The following EYS variants were observed in gnomAD, a reference collection of about 807,000 sequenced individuals.
EYS encodes the protein EGF-like photoreceptor maintenance factor.
A neutral mutation model predicts 282.1 loss-of-function variants in EYS; 250 were observed. The ratio of observed to expected loss-of-function variants is 0.89; its 90% CI spans 0.80 to 0.98. EYS has a LOEUF of 0.98. EYS is among the 50% of genes least tolerant of loss of function. The probability of loss-of-function intolerance (pLI) is 0.00; values close to 1 mark genes in which losing one functional copy is unlikely to be tolerated. For synonymous variants in EYS, 1,355 were observed against 1,282.9 expected (o/e 1.06, Z -1.20); for missense variants, 4,016 against 3,709.0 (o/e 1.08, Z -2.15).
At chr6:65,443,076 T>C (rs1768436279) in intron 5 of EYS, among the ~76,000 whole-genome samples, 1 of 151,808 alleles carries the variant, frequency 6.6e-6, no homozygotes, top group African/African-American at 2.4e-5. Flanking sequence ...GATATGTATG[T>C]GTCTATACAT....
chr6:64,552,677 G>A (rs1765120417), intron 26 of EYS, among the ~76,000 whole-genome samples: 1 of 152,088 alleles, frequency 6.6e-6, no homozygotes, highest in East Asian at 1.9e-4. Context: ...GACTTTGGGA[G>A]GCCGAAGCTG....
At chr6:64,982,428 T>A (rs1770708355) in intron 14 of EYS, among the ~76,000 whole-genome samples, 2 of 151,396 alleles carry the variant, frequency 1.3e-5, no homozygotes, top group South Asian at 4.1e-4. Flanking sequence ...ATTCTACATT[T>A]TATGTGTATG....
At chr6:64,899,818 G>T (rs563325859) in intron 18 of EYS, among the ~76,000 whole-genome samples, 56 of 152,098 alleles carry the variant, frequency 3.7e-4, no homozygotes, top group African/African-American at 1.3e-3. Context: ...GTAATTTACA[G>T]ATTCAGTGCT....
chr6:65,260,140 G>A (rs1051902250), intron 12 of EYS, among the ~76,000 whole-genome samples: 2 of 152,000 alleles, frequency 1.3e-5, no homozygotes, highest in Non-Finnish European at 2.9e-5. Flanking sequence ...GCAGCCAAAA[G>A]GAGACGTGCC....
Position 64,822,708 on chromosome 6 carries a change from C to A in EYS, c.3107G>T (p.Gly1036Val), listed in dbSNP as rs1249780838. Residue 1036 changes from glycine to valine, a missense_variant, in exon 20 of 43, where the codon GGA (glycine) becomes GTA (valine). Transcript: ENST00000503581. ...ATTGGCGTTTGTTTCACAGTGTGTT[C>A]CAAAAAACCCACTCTTGCAGTCACA... ...YTCDCKSGFF[G>V]THCETNANDC... 1 of 1,548,528 alleles carries A rather than the reference C, an allele frequency of 6.5e-7. No individual in the cohort carries two copies. The highest frequency in any genetic ancestry group is 2.0e-5 in the Admixed American group (1 of 50,622).
intron 31 of EYS, among the ~76,000 whole-genome samples, chr6:64,104,363 T>A (rs551775929): frequency 5.3e-5 from 8 of 151,482 alleles, no homozygotes; most frequent in Admixed American, 1.3e-4. Flanking sequence ...AGAGAGAGAG[T>A]GAGTGTGTGT....
At chr6:63,909,248 G>GC (rs1773857702) in intron 35 of EYS, among the ~76,000 whole-genome samples, 1 of 152,032 alleles carries the variant, frequency 6.6e-6, no homozygotes, top group Non-Finnish European at 1.5e-5. Context: ...TGAAACTCTT[G>GC]GTTTCCTAAC....
At chr6:65,372,389 G>A (rs1765192768) in intron 8 of EYS, among the ~76,000 whole-genome samples, 1 of 152,084 alleles carries the variant, frequency 6.6e-6, no homozygotes, top group South Asian at 2.1e-4. Context: ...GTAAATTACT[G>A]AAACTCTAAG....
intron 2 of EYS, among the ~76,000 whole-genome samples, chr6:65,548,126 A>T (rs1768460154): frequency 6.6e-6 from 1 of 152,216 alleles, no homozygotes; most frequent in Admixed American, 6.5e-5. Flanking sequence ...TAGTGGTGTT[A>T]TCTGCTACTA....
At chr6:65,644,389 A>G (rs567578701) in intron 1 of EYS, among the ~76,000 whole-genome samples, 230 of 152,318 alleles carry the variant, frequency 1.5e-3, no homozygotes, top group Non-Finnish European at 1.9e-3. Flanking sequence ...AAATAAATGA[A>G]CAAAGCCTAC....
At chr6:64,340,237 G>T (rs1386050400) in intron 29 of EYS, among the ~76,000 whole-genome samples, 1 of 150,600 alleles carries the variant, frequency 6.6e-6, no homozygotes, top group Non-Finnish European at 1.5e-5. Context: ...AATTCATACA[G>T]AATCAAAAAA....
At chr6:64,033,010 G>T (rs532376159) in intron 33 of EYS, among the ~76,000 whole-genome samples, 7 of 152,278 alleles carry the variant, frequency 4.6e-5, no homozygotes, top group African/African-American at 1.7e-4. Flanking sequence ...AAGCTCTTTT[G>T]TCAGGAAGAG....
At chr6:65,246,457 A>C (rs1767182265) in intron 12 of EYS, among the ~76,000 whole-genome samples, 1 of 152,176 alleles carries the variant, frequency 6.6e-6, no homozygotes, top group Non-Finnish European at 1.5e-5. Flanking sequence ...GGACAAAATC[A>C]AATTAAGAGA....
chr6:63,808,176 T>A (rs1482324668), intron 36 of EYS, among the ~76,000 whole-genome samples: 2 of 152,144 alleles, frequency 1.3e-5, no homozygotes, highest in Admixed American at 6.6e-5. Context: ...TTTATTCAGC[T>A]GAACTGGACT....
intron 33 of EYS, among the ~76,000 whole-genome samples, chr6:63,999,792 A>G (rs1269432864): frequency 2.0e-5 from 3 of 152,230 alleles, no homozygotes; most frequent in Non-Finnish European, 2.9e-5. Flanking sequence ...TGAATACACA[A>G]CTGAAAATTT....
intron 29 of EYS, among the ~76,000 whole-genome samples, chr6:64,374,524 T>A (rs1772502298): frequency 6.6e-6 from 1 of 152,130 alleles, no homozygotes; most frequent in Non-Finnish European, 1.5e-5. Context: ...CCCTTTCCCA[T>A]GTTGGAGATG....
At chr6:64,423,135 G>A (rs1243734892) in intron 28 of EYS, among the ~76,000 whole-genome samples, 1 of 152,012 alleles carries the variant, frequency 6.6e-6, no homozygotes, top group Non-Finnish European at 1.5e-5. Flanking sequence ...ATATAAAAAA[G>A]AATAAGTGAA....
chr6:64,362,365 T>C (rs1772045882), intron 29 of EYS, among the ~76,000 whole-genome samples: 1 of 151,780 alleles, frequency 6.6e-6, no homozygotes, highest in Non-Finnish European at 1.5e-5. Context: ...ACAGGCATAA[T>C]AGTTATTTAA....
intron 12 of EYS, among the ~76,000 whole-genome samples, chr6:65,221,069 A>T (rs62407251): frequency 0.2 from 30,233 of 152,148 alleles, 3,289 homozygotes; most frequent in Middle Eastern, 0.26. Flanking sequence ...AATTTTATGT[A>T]TTCACAAAGA....
Sources: allele counts gnomAD v4.1 joint callset (sites outside exome capture counted in the v4.1 genomes callset), GRCh38; gene constraint gnomAD v4.1.1; transcripts MANE v1.5; gene names NCBI Gene and HGNC (gene_info 2026-07-23, HGNC 2026-07-21).